Variants in ENPP6 observed in about 807,000 individuals in gnomAD.
ENPP6 encodes ectonucleotide pyrophosphatase/phosphodiesterase 6.
Under a neutral mutation model 42.0 loss-of-function variants are expected in ENPP6, and 32 were observed. That is an observed-to-expected ratio of 0.76 (90% CI 0.58 to 1.02). ENPP6 has a LOEUF of 1.02. ENPP6 is among the 50% of genes least tolerant of loss of function. ENPP6 has a pLI of 0.00. For missense variants in ENPP6, 552 were observed against 566.8 expected, an observed-to-expected ratio of 0.97 and a Z score of 0.27; for synonymous variants, 213 against 216.0, an observed-to-expected ratio of 0.99 and a Z score of 0.12.
intron 2 of ENPP6, among the ~76,000 whole-genome samples, chr4:184,140,119 C>A (rs1347194624): frequency 4.0e-5 from 6 of 151,460 alleles, no homozygotes; most frequent in Non-Finnish European, 7.4e-5. Flanking sequence ...TGATGGTGAG[C>A]ATTTTTTCAT....
intron 6 of ENPP6, among the ~76,000 whole-genome samples, chr4:184,103,980 G>T (rs558619536): frequency 1.3e-5 from 2 of 152,130 alleles, no homozygotes; most frequent in East Asian, 1.9e-4. Flanking sequence ...CTGGAGAAAA[G>T]CACTTAGTGG....
intron 5 of ENPP6, among the ~76,000 whole-genome samples, chr4:184,113,933 T>TTCTC (rs1431598003): frequency 1.0e-4 from 15 of 143,558 alleles, no homozygotes; most frequent in Non-Finnish European, 1.6e-4. Context: ...CTTTCTTTCT[T>TTCTC]TCTTTCTTTC....
chr4:184,194,834 C>G (rs11929889), intron 1 of ENPP6, among the ~76,000 whole-genome samples: 14,037 of 152,214 alleles, frequency 0.092, 2,163 homozygotes, highest in African/African-American at 0.31. Flanking sequence ...GACACATGGA[C>G]TGGCACATGG....
chr4:184,159,976 A>G (rs1737234922), intron 1 of ENPP6, among the ~76,000 whole-genome samples: 1 of 152,200 alleles, frequency 6.6e-6, no homozygotes, highest in African/African-American at 2.4e-5. Flanking sequence ...TGCTAAAGAC[A>G]TTATTTCATT....
intron 2 of ENPP6, among the ~76,000 whole-genome samples, chr4:184,130,023 C>T (rs1035920037): frequency 3.3e-5 from 5 of 152,262 alleles, no homozygotes; most frequent in African/African-American, 4.8e-5. Context: ...CCTGAGGTCC[C>T]CTTGTGGGTA....
At chr4:184,122,139 G>C (rs1244797240) in intron 3 of ENPP6, among the ~76,000 whole-genome samples, 1 of 152,196 alleles carries the variant, frequency 6.6e-6, no homozygotes, top group African/African-American at 2.4e-5. Context: ...GACCCCATGA[G>C]ACAATTACAC....
chr4:184,206,502 C>T (rs1044498217), intron 1 of ENPP6, among the ~76,000 whole-genome samples: 6 of 150,776 alleles, frequency 4.0e-5, no homozygotes, highest in East Asian at 2.0e-4. Context: ...GTGATCCGCC[C>T]GTCTCGGCCT....
At chr4:184,097,208 A>G (rs373852692) in intron 7 of ENPP6, 37 bp downstream of exon 7, 1 of 1,612,668 alleles carries the variant, frequency 6.2e-7, no homozygotes, top group Non-Finnish European at 8.5e-7. Context: ...TTCCTTGGGA[A>G]TGGGGTCTGA....
intron 3 of ENPP6, among the ~76,000 whole-genome samples, chr4:184,122,585 C>A (rs1338412483): frequency 1.3e-5 from 2 of 152,222 alleles, no homozygotes; most frequent in Non-Finnish European, 2.9e-5. Flanking sequence ...CGGTGCCAAC[C>A]TGCACTGGCA....
chr4:184,124,272 C>G lies in ENPP6; in HGVS notation c.422G>C (p.Gly141Ala). 1 of 1,610,464 alleles carries G rather than the reference C, an allele frequency of 6.2e-7. No individual in the cohort carries two copies. Among genetic ancestry groups the G allele is most frequent in the Non-Finnish European group, 8.5e-7 (1 of 1,177,506 alleles). Reference sequence around the variant, plus strand: ...GACACCCAGAATCTCAACCTCACAGCCTGAGAAGGAAAAAGATGGCAAATA... The same window carrying G: ...GACACCCAGAATCTCAACCTCACAGGCTGAGAAGGAAAAAGATGGCAAATA... Reference protein sequence around the residue: ...KRKVYMYYWPGCEVEILGVRP... With the variant: ...KRKVYMYYWPACEVEILGVRP... The change falls in exon 3 of 8, where the codon GGC (glycine) becomes GCC (alanine). Residue 141 changes from glycine to alanine, a missense_variant and splice_region_variant. Gly to Ala is a moderately conservative substitution (Grantham distance 60). Coordinates refer to ENST00000296741, the MANE Select transcript of ENPP6 (RefSeq NM_153343.4).
intron 2 of ENPP6, among the ~76,000 whole-genome samples, chr4:184,138,881 T>G (rs1038785895): frequency 2.0e-5 from 3 of 152,216 alleles, no homozygotes; most frequent in Non-Finnish European, 4.4e-5. Context: ...AAGCTCTATG[T>G]GCAGAGCAGA....
Position 184,146,324 on chromosome 4 carries a change from G to C in ENPP6, c.421+7230C>G, listed in dbSNP as rs772663540. 3.3e-5 allele frequency among the ~76,000 whole-genome samples: 5 copies of C among 151,852 alleles called. No homozygotes were observed. In the East Asian group the frequency reaches 9.7e-4, roughly 29 times the overall value. ...TGGGTGCTTGTAATCCCAGCTACTC[G>C]GGAGGCTGAGGCAGAGAATTGCTTG... On this transcript the variant is annotated intron_variant, in intron 2 of 7. Transcript: ENST00000296741.
intron 2 of ENPP6, among the ~76,000 whole-genome samples, chr4:184,139,512 C>A (rs1350112086): frequency 8.0e-6 from 1 of 124,324 alleles, no homozygotes; most frequent in African/African-American, 3.0e-5. Flanking sequence ...CCCCCTCCCC[C>A]CACCCCACAA....
At chr4:184,114,942 G>A (rs1736288994) in intron 5 of ENPP6, among the ~76,000 whole-genome samples, 1 of 152,146 alleles carries the variant, frequency 6.6e-6, no homozygotes, top group Admixed American at 6.5e-5. Flanking sequence ...TGTCCCCCTG[G>A]GGATGGAGCA....
chr4:184,207,076 G>A (rs1251280707), intron 1 of ENPP6, among the ~76,000 whole-genome samples: 1 of 152,218 alleles, frequency 6.6e-6, no homozygotes, highest in Non-Finnish European at 1.5e-5. Context: ...GCTCTGCCAC[G>A]ACGTTCTTTG....
At chr4:184,120,103 T>C (rs978984148) in intron 3 of ENPP6, among the ~76,000 whole-genome samples, 5 of 152,154 alleles carry the variant, frequency 3.3e-5, no homozygotes, top group African/African-American at 1.2e-4. Flanking sequence ...TGCCTCCCAT[T>C]TCTCTCCTCC....
chr4:184,111,576 T>C (rs1049600732), intron 6 of ENPP6, among the ~76,000 whole-genome samples: 3 of 152,240 alleles, frequency 2.0e-5, no homozygotes, highest in Non-Finnish European at 4.4e-5. Flanking sequence ...CCTCACCTTG[T>C]AAACCACGTG....
At chr4:184,126,424 T>G (rs1237237940) in intron 2 of ENPP6, among the ~76,000 whole-genome samples, 1 of 152,224 alleles carries the variant, frequency 6.6e-6, no homozygotes, top group Non-Finnish European at 1.5e-5. Context: ...TATGGACTTC[T>G]GTATTTTCGA....
chr4:184,118,100 G>T (rs1181967664), intron 3 of ENPP6, among the ~76,000 whole-genome samples, 200 bp from the exon 4 acceptor site: 1 of 152,224 alleles, frequency 6.6e-6, no homozygotes, highest in Non-Finnish European at 1.5e-5. Context: ...CTGGTCCTGA[G>T]CAATTCTTTG....
Sources: allele counts gnomAD v4.1 joint callset (sites outside exome capture counted in the v4.1 genomes callset), GRCh38; gene constraint gnomAD v4.1.1; transcripts MANE v1.5; gene names NCBI Gene and HGNC (gene_info 2026-07-23, HGNC 2026-07-21).